Variants in PHACTR1 observed in about 807,000 individuals in gnomAD.
PHACTR1 encodes the protein phosphatase and actin regulator 1.
A neutral mutation model predicts 69.2 loss-of-function variants in PHACTR1; 16 were observed. The ratio of observed to expected loss-of-function variants is 0.23; its 90% CI spans 0.16 to 0.35. The LOEUF is 0.35. PHACTR1 is among the 10% of genes least tolerant of loss of function. The pLI, the probability that PHACTR1 is intolerant of heterozygous loss-of-function variation, is 1.00. For missense variants in PHACTR1, 510 were observed against 734.7 expected (o/e 0.69, Z 3.54); for synonymous variants, 312 against 284.5 (o/e 1.10, Z -0.97).
chr6:13,062,995 A>C (rs1490293444), intron 5 of PHACTR1, among the ~76,000 whole-genome samples: 1 of 152,160 alleles, frequency 6.6e-6, no homozygotes, highest in Non-Finnish European at 1.5e-5. Context: ...CAGGCCTTGC[A>C]CTCTAACTTA....
At chr6:12,719,911 A>C (rs149710674) in intron 3 of PHACTR1, among the ~76,000 whole-genome samples, 1 of 152,254 alleles carries the variant, frequency 6.6e-6, no homozygotes, top group East Asian at 1.9e-4. Flanking sequence ...TCTTAAAGTC[A>C]AGAGGGGTTG....
At chr6:13,050,195 TTCAGTGTTACTTCTGAGGCTA>T (rs1805709009) in intron 4 of PHACTR1, among the ~76,000 whole-genome samples, 1 of 152,248 alleles carries the variant, frequency 6.6e-6, no homozygotes, top group Non-Finnish European at 1.5e-5. Context: ...AATGCTCAAA[TTCAGTGTTACTTCTGAGGCTA>T]TTTACTTGCC....
At chr6:13,064,614 CTATCTA>C (rs1202080075) in intron 5 of PHACTR1, among the ~76,000 whole-genome samples, 120 of 5,156 alleles carry the variant, frequency 0.023, 18 homozygotes, top group Non-Finnish European at 0.03. Context: ...ATCTATATAT[CTATCTA>C]TCCACACTTG....
intron 4 of PHACTR1, among the ~76,000 whole-genome samples, chr6:13,034,791 A>G (rs1263184882): frequency 6.6e-6 from 1 of 152,264 alleles, no homozygotes; most frequent in Non-Finnish European, 1.5e-5. Context: ...ATAAGTATCA[A>G]AGTGAACAAT....
intron 4 of PHACTR1, among the ~76,000 whole-genome samples, chr6:12,911,689 C>G (rs368154150): frequency 6.6e-6 from 1 of 152,152 alleles, no homozygotes; most frequent in South Asian, 2.1e-4. Context: ...CCAGGGTGAC[C>G]GCTGGCGTCT....
chr6:13,120,450 G>A (rs1193178122), intron 5 of PHACTR1, among the ~76,000 whole-genome samples: 1 of 152,214 alleles, frequency 6.6e-6, no homozygotes, highest in African/African-American at 2.4e-5. Flanking sequence ...TAAGGACAGA[G>A]TCCAGGAAGG....
chr6:12,994,825 G>T (rs923234716), intron 4 of PHACTR1, among the ~76,000 whole-genome samples: 3 of 152,062 alleles, frequency 2.0e-5, no homozygotes, highest in Non-Finnish European at 4.4e-5. Flanking sequence ...GGGAAGTGAG[G>T]AACAGGAGAC....
At chr6:12,983,750 A>T (rs1219936656) in intron 4 of PHACTR1, among the ~76,000 whole-genome samples, 1 of 152,026 alleles carries the variant, frequency 6.6e-6, no homozygotes, top group African/African-American at 2.4e-5. Context: ...CCTGTGTCCA[A>T]GTGTTCTCAT....
intron 4 of PHACTR1, among the ~76,000 whole-genome samples, chr6:12,784,059 T>A (rs944043002): frequency 1.3e-5 from 2 of 151,956 alleles, no homozygotes; most frequent in African/African-American, 4.8e-5. Context: ...CATATGCACA[T>A]ATACATGATA....
At chr6:12,799,477 GA>G (rs910142106) in intron 4 of PHACTR1, among the ~76,000 whole-genome samples, 6 of 151,508 alleles carry the variant, frequency 4.0e-5, no homozygotes, top group East Asian at 3.9e-4. Flanking sequence ...CTGCTATAAT[GA>G]AAAAAAAGGC....
At chr6:12,895,754 A>G (rs1784610562) in intron 4 of PHACTR1, among the ~76,000 whole-genome samples, 1 of 152,240 alleles carries the variant, frequency 6.6e-6, no homozygotes, top group Non-Finnish European at 1.5e-5. Flanking sequence ...GCCTAGCTGC[A>G]AATTAGCATT....
At chr6:13,123,178 C>G (rs1390355289) in intron 5 of PHACTR1, among the ~76,000 whole-genome samples, 1 of 152,180 alleles carries the variant, frequency 6.6e-6, no homozygotes, top group East Asian at 1.9e-4. Context: ...GCCAGCTCAG[C>G]CTGTATCCAG....
At chr6:12,951,978 A>G (rs1362430077) in intron 4 of PHACTR1, among the ~76,000 whole-genome samples, 1 of 152,168 alleles carries the variant, frequency 6.6e-6, no homozygotes, top group African/African-American at 2.4e-5. Context: ...GTAACTGACA[A>G]CCCAGTGAAA....
intron 10 of PHACTR1, among the ~76,000 whole-genome samples, chr6:13,264,329 G>C (rs559905755): frequency 1.6e-4 from 25 of 152,006 alleles, no homozygotes; most frequent in Admixed American, 3.3e-4. Context: ...TACCAATTGG[G>C]CCTTTCCCTT....
chr6:12,887,081 C>G (rs1054956760), intron 4 of PHACTR1, among the ~76,000 whole-genome samples: 3 of 152,036 alleles, frequency 2.0e-5, no homozygotes, highest in African/African-American at 4.8e-5. Context: ...GAGCTGGAGA[C>G]TTTCCCAGCC....
intron 6 of PHACTR1, among the ~76,000 whole-genome samples, chr6:13,174,867 A>C (rs776028359): frequency 3.9e-5 from 6 of 152,154 alleles, no homozygotes; most frequent in Admixed American, 6.5e-5. Flanking sequence ...ACTTCATAGG[A>C]TGGATGGATG....
intron 4 of PHACTR1, among the ~76,000 whole-genome samples, chr6:13,006,719 T>A (rs960719479): frequency 6.6e-6 from 1 of 152,162 alleles, no homozygotes; most frequent in African/African-American, 2.4e-5. Context: ...GGCTAGATCG[T>A]GTTGCAGTGA....
At chr6:12,717,387 T>C (rs1186119744) in intron 1 of PHACTR1, 122 bp from the exon 2 acceptor site, 2 of 152,116 alleles carry the variant, frequency 1.3e-5, no homozygotes, top group African/African-American at 4.8e-5. Flanking sequence ...TTAATGACTA[T>C]GGCACTTCTC....
At chr6:12,871,937 G>C (rs567671900) in intron 4 of PHACTR1, among the ~76,000 whole-genome samples, 39 of 143,146 alleles carry the variant, frequency 2.7e-4, no homozygotes, top group African/African-American at 9.0e-4. Flanking sequence ...ATGTGAAAGA[G>C]AGGACATGTG....
Sources: gnomAD v4.1 joint callset for allele counts (sites outside exome capture counted in the v4.1 genomes callset) on GRCh38, gnomAD v4.1.1 for gene constraint, MANE v1.5 for transcripts, NCBI Gene and HGNC (gene_info 2026-07-23, HGNC 2026-07-21) for gene names.